PSPC1: variants seen among roughly 807,000 people sequenced by gnomAD.
PSPC1 encodes paraspeckle component 1, also known as paraspeckle protein 1.
A neutral mutation model predicts 51.6 loss-of-function variants in PSPC1; 14 were observed. The ratio of observed to expected loss-of-function variants is 0.27; its 90% CI spans 0.18 to 0.42. PSPC1 has a LOEUF of 0.42. Ranked by LOEUF, PSPC1 falls within the 10% of genes least tolerant of loss-of-function variation. The pLI is 1.00. For synonymous variants in PSPC1, 193 were observed against 231.9 expected (o/e 0.83, Z 1.53); for missense variants, 406 against 701.1 (o/e 0.58, Z 4.75).
At chr13:19,704,085 T>C (rs1195249541) in intron 8 of PSPC1, among the ~76,000 whole-genome samples, 2 of 152,248 alleles carry the variant, frequency 1.3e-5, no homozygotes, top group Non-Finnish European at 2.9e-5. Flanking sequence ...AGACCAAGGG[T>C]GATATTTAAA....
intron 6 of PSPC1, among the ~76,000 whole-genome samples, chr13:19,689,513 G>A (rs540987993): frequency 9.7e-4 from 148 of 152,116 alleles, no homozygotes; most frequent in Non-Finnish European, 1.9e-3. Flanking sequence ...ATATCATAAT[G>A]TCAACTTGAA....
At chr13:19,728,439 A>AACACACACACACACACACACACACAC (rs56662113) in intron 6 of PSPC1, among the ~76,000 whole-genome samples, 1 of 144,344 alleles carries the variant, frequency 6.9e-6, no homozygotes, top group African/African-American at 2.7e-5. Context: ...TCAAAGCTTA[A>AACACACACACACACACACACACACAC]ACACACACAC....
chr13:19,725,171 C>T (rs559067206), intron 6 of PSPC1, among the ~76,000 whole-genome samples: 28 of 152,186 alleles, frequency 1.8e-4, no homozygotes, highest in Admixed American at 1.7e-3. Flanking sequence ...AGCAAGACTC[C>T]ATCTCAAAAA....
At chr13:19,690,253 G>T (rs540718018) in intron 6 of PSPC1, among the ~76,000 whole-genome samples, 1 of 152,134 alleles carries the variant, frequency 6.6e-6, no homozygotes, top group Non-Finnish European at 1.5e-5. Context: ...TCAATTACTG[G>T]AAGAATTAAC....
chr13:19,710,228 T>C (rs964072214), intron 6 of PSPC1, among the ~76,000 whole-genome samples: 1 of 151,764 alleles, frequency 6.6e-6, no homozygotes, highest in Non-Finnish European at 1.5e-5. Context: ...AGTAATTTTA[T>C]TTGAAAACCT....
chr13:19,713,614 T>C (rs1389094303), intron 6 of PSPC1, among the ~76,000 whole-genome samples: 1 of 151,796 alleles, frequency 6.6e-6, no homozygotes, highest in African/African-American at 2.4e-5. Context: ...TAACTTATCT[T>C]TGCGGTATTT....
chr13:19,743,888 A>C (rs1238689540), intron 4 of PSPC1, among the ~76,000 whole-genome samples: 1 of 152,094 alleles, frequency 6.6e-6, no homozygotes, highest in Non-Finnish European at 1.5e-5. Flanking sequence ...CAGGCGGATC[A>C]CCTGAGGTCG....
chr13:19,730,953 AAAACAAAAAAAC>A (rs1464050498), intron 5 of PSPC1, among the ~76,000 whole-genome samples: 1,232 of 36,906 alleles, frequency 0.033, 58 homozygotes, highest in African/African-American at 0.056. Context: ...TCAGAAAAAA[AAAACAAAAAAAC>A]AAAAAAAAAA....
Position 19,750,595 on chromosome 13 carries a change from A to G in PSPC1, c.967+676T>C, listed in dbSNP as rs188861147. ...CAAACATGTAATAATAATCTTAAAT[A>G]GCCAGCATTTGTCCAAATTCTTCTC... is the stretch of plus-strand genomic sequence containing the variant. On this transcript the variant is annotated intron_variant, in intron 4 of 8. Transcript: ENST00000338910. 3.4e-3 allele frequency among the ~76,000 whole-genome samples: 514 copies of G among 152,176 alleles called. 5 individuals are homozygous for G. Among genetic ancestry groups the G allele is most frequent in the African/African-American group, 0.011 (474 of 41,512 alleles).
chr13:19,758,850 A>C (rs1887343887), intron 3 of PSPC1, among the ~76,000 whole-genome samples: 1 of 152,008 alleles, frequency 6.6e-6, no homozygotes, highest in South Asian at 2.1e-4. Context: ...ACAAAAAAAA[A>C]AAAAGTATTT....
chr13:19,749,777 G>A (rs1458946639), intron 4 of PSPC1, among the ~76,000 whole-genome samples: 2 of 151,744 alleles, frequency 1.3e-5, no homozygotes, highest in East Asian at 3.9e-4. Flanking sequence ...GATTACAGGC[G>A]CCCGCCACCA....
At chr13:19,768,376 G>A (rs1421901684) in intron 2 of PSPC1, among the ~76,000 whole-genome samples, 2 of 152,004 alleles carry the variant, frequency 1.3e-5, no homozygotes, top group Non-Finnish European at 2.9e-5. Context: ...GGACGGGCGT[G>A]GTGGCTCACG....
intron 1 of PSPC1, among the ~76,000 whole-genome samples, chr13:19,774,062 C>T (rs546059910): frequency 3.3e-4 from 50 of 152,204 alleles, no homozygotes; most frequent in African/African-American, 1.1e-3. Flanking sequence ...TAATAGTTCT[C>T]GCCATTATAT....
intron 6 of PSPC1, chr13:19,677,850 G>A (rs1276843865): frequency 6.3e-6 from 3 of 474,396 alleles, no homozygotes; most frequent in South Asian, 3.0e-5. Flanking sequence ...ATCAGATTCA[G>A]CCTTTTTAAG....
At position 19,718,208 on chromosome 13, in the gene PSPC1, T is replaced by C. The variant is rs544924085; in HGVS notation, c.1159-8609A>G. Among the ~76,000 whole-genome samples the C allele has an allele frequency of 2.0e-5, 3 of 152,346 alleles. No homozygotes were observed. The South Asian group carries it at 6.2e-4, about 32-fold the overall frequency. ...AACAACAATTTCCAATATATGTTATTCGCTGCTAGTTAGTGAGGGGTAGTT... is the reference window on the plus strand; with the variant it reads ...AACAACAATTTCCAATATATGTTATCCGCTGCTAGTTAGTGAGGGGTAGTT... On this transcript the variant is annotated intron_variant, in intron 6 of 8. Transcript: ENST00000338910.
chr13:19,738,240 T>A (rs1245689562), intron 5 of PSPC1, among the ~76,000 whole-genome samples: 1 of 152,138 alleles, frequency 6.6e-6, no homozygotes, highest in East Asian at 1.9e-4. Flanking sequence ...CACACAGGAT[T>A]TTAAGTTTAG....
chr13:19,754,908 T>C (rs1639784165), intron 3 of PSPC1, among the ~76,000 whole-genome samples: 2 of 152,046 alleles, frequency 1.3e-5, no homozygotes, highest in Non-Finnish European at 2.9e-5. Flanking sequence ...AAAAGTTAAG[T>C]GAAGAGGAAA....
intron 5 of PSPC1, among the ~76,000 whole-genome samples, chr13:19,734,748 G>C (rs1208884716): frequency 2.0e-5 from 3 of 152,058 alleles, no homozygotes; most frequent in Admixed American, 1.3e-4. Context: ...GTTACAGTGA[G>C]TCAAGATTGC....
At chr13:19,756,464 G>A (rs1171702606) in intron 3 of PSPC1, among the ~76,000 whole-genome samples, 4 of 152,006 alleles carry the variant, frequency 2.6e-5, no homozygotes, top group African/African-American at 4.8e-5. Flanking sequence ...CTCAGGGAGC[G>A]AGAACTCAGA....
Sources: allele counts gnomAD v4.1 joint callset (sites outside exome capture counted in the v4.1 genomes callset), GRCh38; gene constraint gnomAD v4.1.1; transcripts MANE v1.5; gene names NCBI Gene and HGNC (gene_info 2026-07-23, HGNC 2026-07-21).